SUCLG2: variants seen among roughly 807,000 people sequenced by gnomAD.
SUCLG2 encodes the protein succinate-CoA ligase GDP-forming subunit beta, also known as succinate--CoA ligase [GDP-forming] subunit beta, mitochondrial.
SUCLG2 carries 42 observed loss-of-function variants against 47.9 expected under a neutral mutation model. The ratio of observed to expected loss-of-function variants is 0.88; its 90% CI spans 0.69 to 1.14. SUCLG2 has a LOEUF of 1.14. Ranked by LOEUF, SUCLG2 falls within the 50% of genes most tolerant of loss-of-function variation. The pLI, the probability that SUCLG2 is intolerant of heterozygous loss-of-function variation, is 0.00. For missense variants in SUCLG2, 571 were observed against 525.9 expected (o/e 1.09, Z -0.84); for synonymous variants, 195 against 197.3 (o/e 0.99, Z 0.10).
chr3:67,391,621 G>T (rs1702384921), intron 10 of SUCLG2, among the ~76,000 whole-genome samples: 1 of 152,170 alleles, frequency 6.6e-6, no homozygotes, highest in Admixed American at 6.5e-5. Flanking sequence ...GATTGACTGT[G>T]GGCCGAGTAG....
rs1166845331 is a variant in SUCLG2, at chr3:67,438,214, G to T, written c.1063-37363C>A. Among the ~76,000 whole-genome samples, 3 of 152,272 alleles carry T rather than the reference G, an allele frequency of 2.0e-5. No individual in the cohort carries two copies. In the East Asian group the frequency reaches 5.8e-4, roughly 29 times the overall value. On this transcript the variant is annotated intron_variant, in intron 9 of 10. Transcript: ENST00000307227. ...AAAGACACAATGTACCAGAATCTTTGGGACACAGCTAAGGAAGTGTTTAGA... is the reference window on the plus strand; with the variant it reads ...AAAGACACAATGTACCAGAATCTTTTGGACACAGCTAAGGAAGTGTTTAGA...
chr3:67,598,891 G>C (rs1373045882), intron 2 of SUCLG2, among the ~76,000 whole-genome samples: 1 of 152,130 alleles, frequency 6.6e-6, no homozygotes, highest in African/African-American at 2.4e-5. Flanking sequence ...AAAAAGGATG[G>C]GACTATGCTT....
At chr3:67,454,147 A>T (rs1212731902) in intron 9 of SUCLG2, among the ~76,000 whole-genome samples, 2 of 152,242 alleles carry the variant, frequency 1.3e-5, no homozygotes, top group Non-Finnish European at 2.9e-5. Context: ...TAAGAAGTTG[A>T]CAGAGCTGCA....
chr3:67,454,470 A>C (rs1704133168), intron 9 of SUCLG2, among the ~76,000 whole-genome samples: 1 of 152,082 alleles, frequency 6.6e-6, no homozygotes, highest in South Asian at 2.1e-4. Flanking sequence ...TACCTTTAGT[A>C]GTATTTAACG....
At chr3:67,429,421 G>T (rs1049564762) in intron 9 of SUCLG2, among the ~76,000 whole-genome samples, 1 of 152,112 alleles carries the variant, frequency 6.6e-6, no homozygotes, top group African/African-American at 2.4e-5. Flanking sequence ...TCACCACCAG[G>T]CCTGTCTTAC....
intron 2 of SUCLG2, among the ~76,000 whole-genome samples, chr3:67,563,763 T>G (rs1279885688): frequency 6.6e-6 from 1 of 151,808 alleles, no homozygotes; most frequent in Non-Finnish European, 1.5e-5. Flanking sequence ...ATCGAGACCA[T>G]CCTGGTTAAC....
intron 10 of SUCLG2, among the ~76,000 whole-genome samples, chr3:67,400,193 ATTC>A (rs553277783): frequency 3.2e-4 from 49 of 152,226 alleles, no homozygotes; most frequent in Admixed American, 2.6e-3. Flanking sequence ...CAATGTCATT[ATTC>A]TTACTAAAAA....
At position 67,519,856 on chromosome 3, in the gene SUCLG2, C is replaced by A. The variant is rs1453161029; in HGVS notation, c.570+626G>T. 3.3e-5 allele frequency among the ~76,000 whole-genome samples: 5 copies of A among 152,214 alleles called. No homozygotes were observed. In the South Asian group the frequency reaches 8.3e-4, roughly 25 times the overall value. On this transcript the variant is annotated intron_variant, in intron 5 of 10. Coordinates refer to ENST00000307227, the MANE Select transcript of SUCLG2 (RefSeq NM_003848.4). ...TTATAATCTCACATGGTAGAAATCA[C>A]CCCATGTTCATTTTACTGATTTAAA...
intron 2 of SUCLG2, among the ~76,000 whole-genome samples, chr3:67,564,693 A>G (rs1707405324): frequency 6.6e-6 from 1 of 152,030 alleles, no homozygotes; most frequent in Non-Finnish European, 1.5e-5. Flanking sequence ...ACATTATGAG[A>G]TTTTTTTGCA....
At position 67,520,616 on chromosome 3, in the gene SUCLG2, A is replaced by C; in HGVS notation, c.436T>G (p.Leu146Val). ...AGGTAGGTTTCTCTGGAAATATCCA[A>C]GGCTTCAGCAACCATCACCTACCAC... is the stretch of plus-strand genomic sequence containing the variant. ...KVNKVMVAEA[L>V]DISRETYLAI... Residue 146 changes from leucine (L) to valine (V), a missense_variant, in exon 5 of 11, where the codon TTG (leucine) becomes GTG (valine). Transcript: ENST00000307227. 2 of 1,612,934 alleles carry C rather than the reference A, an allele frequency of 1.2e-6. No homozygotes were observed. The highest frequency in any genetic ancestry group is 1.1e-5 in the South Asian group (1 of 90,796).
chr3:67,363,532 C>A (rs1465802116), intron 10 of SUCLG2, among the ~76,000 whole-genome samples: 1 of 152,128 alleles, frequency 6.6e-6, no homozygotes, highest in Non-Finnish European at 1.5e-5. Flanking sequence ...TATAAGGCTA[C>A]ACATAGTGCA....
At chr3:67,649,870 C>G (rs1432854704) in intron 1 of SUCLG2, among the ~76,000 whole-genome samples, 1 of 152,208 alleles carries the variant, frequency 6.6e-6, no homozygotes, top group Non-Finnish European at 1.5e-5. Context: ...CTTTTCCTCC[C>G]CCAAATATGC....
chr3:67,541,788 G>C (rs747055491), intron 2 of SUCLG2, among the ~76,000 whole-genome samples: 24 of 152,124 alleles, frequency 1.6e-4, no homozygotes, highest in Admixed American at 3.3e-4. Context: ...TACCCACAAA[G>C]AGAAGCCCAT....
intron 1 of SUCLG2, among the ~76,000 whole-genome samples, chr3:67,633,492 G>C (rs1381629160): frequency 6.6e-6 from 1 of 152,124 alleles, no homozygotes; most frequent in Non-Finnish European, 1.5e-5. Context: ...TTCTGTATTT[G>C]ATTTCTTCAT....
intron 4 of SUCLG2, among the ~76,000 whole-genome samples, chr3:67,526,437 T>G (rs576286024): frequency 3.2e-4 from 48 of 152,302 alleles, no homozygotes; most frequent in African/African-American, 9.6e-4. Flanking sequence ...GGCAGAGCCT[T>G]CATGACTAAT....
At chr3:67,649,317 CTG>C (rs1176172501) in intron 1 of SUCLG2, among the ~76,000 whole-genome samples, 1 of 152,174 alleles carries the variant, frequency 6.6e-6, no homozygotes, top group Non-Finnish European at 1.5e-5. Flanking sequence ...AAGGTAGGAG[CTG>C]TGTTTCTTAT....
chr3:67,592,743 A>AC (rs1202489281), intron 2 of SUCLG2, among the ~76,000 whole-genome samples: 43 of 148,574 alleles, frequency 2.9e-4, no homozygotes, highest in African/African-American at 1.0e-3. Context: ...AAAACAACAA[A>AC]AAAAAACTGA....
At chr3:67,568,026 T>C (rs1354206062) in intron 2 of SUCLG2, among the ~76,000 whole-genome samples, 2 of 152,168 alleles carry the variant, frequency 1.3e-5, no homozygotes, top group Non-Finnish European at 2.9e-5. Context: ...TCCACCAAAA[T>C]GTAAGAACAA....
chr3:67,428,549 A>G (rs13066142), intron 9 of SUCLG2, among the ~76,000 whole-genome samples: 17,459 of 152,240 alleles, frequency 0.11, 1,235 homozygotes, highest in African/African-American at 0.19. Flanking sequence ...TTCCCTCAAA[A>G]GGAATGCAGC....
Sources: allele counts gnomAD v4.1 joint callset (sites outside exome capture counted in the v4.1 genomes callset), GRCh38; gene constraint gnomAD v4.1.1; transcripts MANE v1.5; gene names NCBI Gene and HGNC (gene_info 2026-07-23, HGNC 2026-07-21).